Variants in HINT3 observed in about 807,000 individuals in gnomAD.
The protein encoded by HINT3 is histidine triad nucleotide binding protein 3.
In HINT3, 16 loss-of-function variants were observed where a neutral mutation model predicts 19.1. That is an observed-to-expected ratio of 0.84 (90% CI 0.57 to 1.27). The LOEUF is 1.27. HINT3 is among the 50% of genes most tolerant of loss of function. The pLI is 0.00. For missense variants in HINT3, 197 were observed against 225.8 expected, an observed-to-expected ratio of 0.87 and a Z score of 0.82; for synonymous variants, 75 against 84.8, an observed-to-expected ratio of 0.88 and a Z score of 0.63.
Position 125,979,206 on chromosome 6 carries a change from T to C in HINT3, c.*1530T>C, listed in dbSNP as rs183570863. ...CAATGGATATGAAGTTCAGATTTCATCTTATTTACTGAAGGTGGAGAAAGG... is the reference window on the plus strand; with the variant it reads ...CAATGGATATGAAGTTCAGATTTCACCTTATTTACTGAAGGTGGAGAAAGG... On this transcript the variant is annotated 3_prime_UTR_variant, in exon 5 of 5. Coordinates refer to ENST00000229633, the MANE Select transcript of HINT3 (RefSeq NM_138571.5). 1.3e-5 allele frequency: 2 copies of C among 152,340 alleles called. No homozygotes were observed. The highest frequency in any genetic ancestry group is 4.8e-5 in the African/African-American group (2 of 41,578). 9.4% of individuals were successfully genotyped at this position (152,340 alleles called of 1,614,324 possible).
intron 3 of HINT3, 38 bp from the exon 4 acceptor site, chr6:125,974,808 GA>G: frequency 6.3e-7 from 1 of 1,597,310 alleles, no homozygotes; most frequent in South Asian, 1.1e-5. Flanking sequence ...CTTTATTTTA[GA>G]ACTGGTTTGT....
chr6:125,964,466 C>G (rs1220516522), intron 1 of HINT3, among the ~76,000 whole-genome samples: 2 of 152,212 alleles, frequency 1.3e-5, no homozygotes, highest in Admixed American at 1.3e-4. Context: ...TAGGTATTCA[C>G]ATGTCTGTAT....
At chr6:125,974,291 A>G (rs955298399) in intron 3 of HINT3, among the ~76,000 whole-genome samples, 2 of 152,248 alleles carry the variant, frequency 1.3e-5, no homozygotes, top group African/African-American at 2.4e-5. Context: ...CATAATTATC[A>G]TTATCATCTA....
intron 1 of HINT3, among the ~76,000 whole-genome samples, chr6:125,959,113 C>T (rs1788883091): frequency 6.6e-6 from 1 of 152,088 alleles, no homozygotes; most frequent in South Asian, 2.1e-4. Flanking sequence ...TTTGAGGCAT[C>T]TAAGTAGAGA....
chr6:125,970,987 G>C (rs1052152951), intron 2 of HINT3, among the ~76,000 whole-genome samples: 21 of 152,160 alleles, frequency 1.4e-4, no homozygotes, highest in African/African-American at 4.8e-4. Flanking sequence ...CATTAACAAT[G>C]ATTTTGTAAG....
chr6:125,968,390 C>T (rs1789047852), intron 2 of HINT3, among the ~76,000 whole-genome samples: 1 of 152,186 alleles, frequency 6.6e-6, no homozygotes, highest in African/African-American at 2.4e-5. Context: ...ATATGTACCA[C>T]ATCTTCTTTA....
At chr6:125,965,486 G>C (rs936140365) in intron 1 of HINT3, among the ~76,000 whole-genome samples, 5 of 152,170 alleles carry the variant, frequency 3.3e-5, no homozygotes, top group Admixed American at 3.3e-4. Flanking sequence ...TGAGCTGGAA[G>C]TATTAAAGAA....
intron 1 of HINT3, among the ~76,000 whole-genome samples, chr6:125,964,731 G>A (rs1266643584): frequency 9.7e-6 from 1 of 102,788 alleles, no homozygotes; most frequent in African/African-American, 3.9e-5. Context: ...GCAAAGAATA[G>A]TTTTATACAC....
At chr6:125,958,584 A>G (rs917449149) in intron 1 of HINT3, among the ~76,000 whole-genome samples, 2 of 152,190 alleles carry the variant, frequency 1.3e-5, no homozygotes, top group African/African-American at 4.8e-5. Flanking sequence ...GGAGATTATG[A>G]AAAGTATATC....
In HINT3 at chr6:125,961,403, G is replaced by A. The variant is rs1039112768; in HGVS notation, c.201+4225G>A. ...TTCTTATACTATCTACCTGATGATA[G>A]CATCAGATCCCGCAGGTTGAAGACT... On this transcript the variant is annotated intron_variant, in intron 1 of 4. Transcript: ENST00000229633. 4.6e-5 allele frequency among the ~76,000 whole-genome samples: 7 copies of A among 152,112 alleles called. No homozygotes were observed. In the East Asian group the frequency reaches 1.2e-3, roughly 25 times the overall value.
At position 125,978,299 on chromosome 6, in the gene HINT3, A is replaced by G. The variant is rs997967524; in HGVS notation, c.*623A>G. The G allele has an allele frequency of 1.3e-5, 2 of 152,120 alleles. No individual in the cohort carries two copies. Among genetic ancestry groups the G allele is most frequent in the Non-Finnish European group, 2.9e-5 (2 of 67,968 alleles). The allele number at this position is 152,120 out of a possible 1,614,324, so 9.4% of individuals were successfully genotyped here. ...AAGCTATATAATATATATAATTTAT[A>G]TCAATGAATTTACAATAACTATCAA... is the stretch of plus-strand genomic sequence containing the variant. On this transcript the variant is annotated 3_prime_UTR_variant, in exon 5 of 5. Transcript: ENST00000229633.
At position 125,965,718 on chromosome 6, in the gene HINT3, T is replaced by TTC. The variant is rs568382455; in HGVS notation, c.202-1168_202-1167dup. Reference sequence around the variant, plus strand: ...AGTGAGCCATTATTGTGCCACTGCATTCCAGCCTGGGCTACAGAGAGAGAC... The same window carrying TTC: ...AGTGAGCCATTATTGTGCCACTGCATTCTCCAGCCTGGGCTACAGAGAGAGAC... On this transcript the variant is annotated intron_variant, in intron 1 of 4. Coordinates refer to ENST00000229633, the MANE Select transcript of HINT3 (RefSeq NM_138571.5). Among the ~76,000 whole-genome samples, 208 of 152,178 alleles carry TTC rather than the reference T, an allele frequency of 1.4e-3. 1 individual carries two copies. Among genetic ancestry groups the TTC allele is most frequent in the African/African-American group, 4.6e-3 (190 of 41,528 alleles).
chr6:125,975,192 G>A (rs1234518825), intron 4 of HINT3, among the ~76,000 whole-genome samples: 2 of 152,132 alleles, frequency 1.3e-5, no homozygotes, highest in African/African-American at 4.8e-5. Context: ...CTTCCCCATT[G>A]CAAGTAGCAG....
intron 2 of HINT3, among the ~76,000 whole-genome samples, chr6:125,972,045 C>T (rs184694784): frequency 5.2e-4 from 79 of 152,168 alleles, no homozygotes; most frequent in African/African-American, 1.8e-3. Context: ...TTTTTAGAGA[C>T]GAGGTCTTAC....
At chr6:125,959,259 T>G (rs1788885209) in intron 1 of HINT3, among the ~76,000 whole-genome samples, 1 of 151,754 alleles carries the variant, frequency 6.6e-6, no homozygotes, top group Non-Finnish European at 1.5e-5. Context: ...AGGTAAAAAG[T>G]GAAGGGGAGG....
intron 4 of HINT3, among the ~76,000 whole-genome samples, 168 bp from the exon 5 acceptor site, chr6:125,977,476 A>G (rs1196071182): frequency 6.6e-6 from 1 of 152,194 alleles, no homozygotes. Flanking sequence ...TACAATGTAG[A>G]ATAATTATAT....
rs1358072072 is a variant in HINT3, at chr6:125,979,323, AGAT to A, written c.*1648_*1650del. ...GATATAGTTCACTGAGCACTTACAT[AGAT>A]TAACAGTTACAAGTTTCCATAAATC... On this transcript the variant is annotated 3_prime_UTR_variant, in exon 5 of 5. Coordinates refer to ENST00000229633, the MANE Select transcript of HINT3 (RefSeq NM_138571.5). 2 of 152,212 alleles carry A rather than the reference AGAT, an allele frequency of 1.3e-5. No homozygotes were observed. Among genetic ancestry groups the A allele is most frequent in the African/African-American group, 4.8e-5 (2 of 41,430 alleles). 9.4% of individuals were successfully genotyped at this position (152,212 alleles called of 1,614,324 possible).
intron 2 of HINT3, among the ~76,000 whole-genome samples, chr6:125,968,806 T>C (rs1789055553): frequency 6.6e-6 from 1 of 152,214 alleles, no homozygotes. Context: ...TCCTCTTGTA[T>C]GTCTTCTTTT....
chr6:125,958,497 C>T (rs1788872438), intron 1 of HINT3, among the ~76,000 whole-genome samples: 1 of 152,138 alleles, frequency 6.6e-6, no homozygotes, highest in Non-Finnish European at 1.5e-5. Context: ...GGAGACCAGT[C>T]TGGAGGTATG....
Sources: allele counts gnomAD v4.1 joint callset (sites outside exome capture counted in the v4.1 genomes callset), GRCh38; gene constraint gnomAD v4.1.1; transcripts MANE v1.5; gene names NCBI Gene and HGNC (gene_info 2026-07-23, HGNC 2026-07-21).